Variants in NTRK2 observed in about 807,000 individuals in gnomAD.
NTRK2 encodes neurotrophic receptor tyrosine kinase 2.
A neutral mutation model predicts 94.5 loss-of-function variants in NTRK2; 13 were observed. The ratio of observed to expected loss-of-function variants is 0.14; its 90% CI spans 0.09 to 0.22. NTRK2 has a LOEUF of 0.22. Among genes scored for constraint, NTRK2 ranks in the 10% least tolerant of loss-of-function variants. NTRK2 has a pLI of 1.00. For missense variants in NTRK2, 639 were observed against 1,071.2 expected, an observed-to-expected ratio of 0.60 and a Z score of 5.63; for synonymous variants, 372 against 407.4, an observed-to-expected ratio of 0.91 and a Z score of 1.05.
chr9:84,864,216 G>C (rs1462130296), intron 13 of NTRK2, among the ~76,000 whole-genome samples: 3 of 152,120 alleles, frequency 2.0e-5, no homozygotes, highest in Non-Finnish European at 2.9e-5. Context: ...AAAGCAACTG[G>C]GGTCAATGCA....
chr9:84,973,911 C>G (rs1284027972), intron 17 of NTRK2, among the ~76,000 whole-genome samples: 1 of 152,190 alleles, frequency 6.6e-6, no homozygotes, highest in Non-Finnish European at 1.5e-5. Flanking sequence ...TACAGTTTCT[C>G]CTACAGAATG....
At chr9:84,869,452 C>T (rs2075743030) in intron 14 of NTRK2, among the ~76,000 whole-genome samples, 1 of 152,166 alleles carries the variant, frequency 6.6e-6, no homozygotes, top group Non-Finnish European at 1.5e-5. Context: ...TTTAAGAACA[C>T]TTAAAATAAC....
intron 12 of NTRK2, among the ~76,000 whole-genome samples, chr9:84,756,314 C>A (rs1177549276): frequency 2.6e-5 from 4 of 152,212 alleles, no homozygotes; most frequent in Non-Finnish European, 5.9e-5. Context: ...TTAGCTCTCG[C>A]ATTGCTTCCT....
intron 16 of NTRK2, among the ~76,000 whole-genome samples, chr9:84,952,884 T>A (rs1025715175): frequency 6.6e-6 from 1 of 152,194 alleles, no homozygotes; most frequent in African/African-American, 2.4e-5. Flanking sequence ...TTTTCCTCTA[T>A]CCTGGAGTCT....
rs1405728853 is a variant in NTRK2 at position 85,022,149 on chromosome 9, TG to T, written c.*714del. On this transcript the variant is annotated 3_prime_UTR_variant, in exon 19 of 19. Transcript: ENST00000277120. ...AACAAAGACAACCACTGGGATCAGC[TG>T]GTGTCAGTCCCTACTTAGGAAATAC... 4.3e-6 allele frequency: 1 copy of T among 233,260 alleles called. No individual in the cohort carries two copies. Among genetic ancestry groups the T allele is most frequent in the African/African-American group, 2.2e-5 (1 of 45,356 alleles). 14.4% of individuals were successfully genotyped at this position (233,260 alleles called of 1,614,324 possible).
chr9:84,994,950 T>C lies in NTRK2; in HGVS notation c.2173-25256T>C, dbSNP rs143820317. 2.6e-5 allele frequency among the ~76,000 whole-genome samples: 4 copies of C among 152,308 alleles called. No individual in the cohort carries two copies. The East Asian group carries it at 7.7e-4, about 29-fold the overall frequency. On this transcript the variant is annotated intron_variant, in intron 17 of 18. Transcript: ENST00000277120. The stretch of plus-strand genomic sequence containing the variant: ...GGATCTGCAGAGTGCCCCATTGCAA[T>C]GCATAAAACATGCTCCAACTGAGGA...
At chr9:84,748,560 C>G (rs926871622) in intron 11 of NTRK2, among the ~76,000 whole-genome samples, 1 of 152,176 alleles carries the variant, frequency 6.6e-6, no homozygotes, top group Non-Finnish European at 1.5e-5. Context: ...ACGCAGGGAT[C>G]TAGGACTCCT....
At chr9:85,011,490 C>T (rs1019581813) in intron 17 of NTRK2, among the ~76,000 whole-genome samples, 7 of 152,054 alleles carry the variant, frequency 4.6e-5, no homozygotes, top group Non-Finnish European at 1.0e-4. Flanking sequence ...GAGTGGGTCC[C>T]GGATCCGATA....
At chr9:84,897,019 T>G (rs1247524275) in intron 14 of NTRK2, among the ~76,000 whole-genome samples, 1 of 152,172 alleles carries the variant, frequency 6.6e-6, no homozygotes, top group Admixed American at 6.5e-5. Context: ...GTTATTCCTG[T>G]CATGACTCCA....
intron 17 of NTRK2, among the ~76,000 whole-genome samples, chr9:84,969,886 G>A (rs562618036): frequency 6.6e-6 from 1 of 152,310 alleles, no homozygotes; most frequent in South Asian, 2.1e-4. Context: ...GTGCACGAAT[G>A]CTCATTAGAC....
chr9:84,966,455 G>A (rs1049581291), intron 17 of NTRK2, among the ~76,000 whole-genome samples: 10 of 152,094 alleles, frequency 6.6e-5, no homozygotes, highest in African/African-American at 2.4e-4. Context: ...GTTTTGAAGT[G>A]GAGTCTTACT....
intron 12 of NTRK2, among the ~76,000 whole-genome samples, chr9:84,774,212 G>T (rs550515786): frequency 1.3e-5 from 2 of 152,192 alleles, no homozygotes; most frequent in Non-Finnish European, 2.9e-5. Context: ...CAATGGAGGG[G>T]ACTGGACCCA....
At chr9:84,881,290 G>A (rs1439986085) in intron 14 of NTRK2, among the ~76,000 whole-genome samples, 9 of 152,122 alleles carry the variant, frequency 5.9e-5, no homozygotes, top group Admixed American at 5.9e-4. Context: ...ATGGGGAGGG[G>A]ACAACAAGGG....
intron 14 of NTRK2, among the ~76,000 whole-genome samples, chr9:84,930,458 C>G (rs1439836423): frequency 1.3e-5 from 2 of 152,066 alleles, no homozygotes; most frequent in African/African-American, 4.8e-5. Context: ...TTCAAGACAG[C>G]TGGGGCTCTA....
chr9:84,732,281 C>T (rs903013130), intron 9 of NTRK2, among the ~76,000 whole-genome samples: 2 of 152,202 alleles, frequency 1.3e-5, no homozygotes, highest in African/African-American at 4.8e-5. Flanking sequence ...CAGTAGCTTC[C>T]TGCCCCTTGT....
intron 6 of NTRK2, among the ~76,000 whole-genome samples, chr9:84,722,160 CTTTTTTTTTTTTT>C (rs36100177): frequency 1.5e-5 from 1 of 67,090 alleles, no homozygotes; most frequent in South Asian, 6.0e-4. Flanking sequence ...CTATTAGGGG[CTTTTTTTTTTTTT>C]TTTTTTTTTT....
chr9:84,715,662 T>G (rs934944943), intron 6 of NTRK2, among the ~76,000 whole-genome samples: 1 of 152,196 alleles, frequency 6.6e-6, no homozygotes, highest in Non-Finnish European at 1.5e-5. Context: ...CAGAATCATG[T>G]AAGTGCTGGT....
intron 17 of NTRK2, among the ~76,000 whole-genome samples, chr9:84,957,793 A>T (rs1824336861): frequency 6.6e-6 from 1 of 152,226 alleles, no homozygotes; most frequent in African/African-American, 2.4e-5. Context: ...TTGAACACAA[A>T]TGTGCATGGT....
chr9:84,861,129 CTA>C (rs1230433627), intron 13 of NTRK2, 42 bp downstream of exon 13: 2 of 1,448,536 alleles, frequency 1.4e-6, no homozygotes, highest in Non-Finnish European at 1.9e-6. Flanking sequence ...AGTAATGAGT[CTA>C]TGTTTTTATT....
Sources: allele counts gnomAD v4.1 joint callset (sites outside exome capture counted in the v4.1 genomes callset), GRCh38; gene constraint gnomAD v4.1.1; transcripts MANE v1.5; gene names NCBI Gene and HGNC (gene_info 2026-07-23, HGNC 2026-07-21).